The following KLHL5 variants were observed in gnomAD, a reference collection of about 807,000 sequenced individuals.
KLHL5 encodes kelch-like protein 5.
KLHL5 carries 48 observed loss-of-function variants against 77.7 expected under a neutral mutation model. That is an observed-to-expected ratio of 0.62 (90% CI 0.49 to 0.79). The LOEUF is 0.79. KLHL5 is among the 30% of genes least tolerant of loss of function. KLHL5 has a pLI of 0.00. For missense variants in KLHL5, 723 were observed against 859.7 expected (o/e 0.84, Z 1.99); for synonymous variants, 260 against 297.0 (o/e 0.88, Z 1.28).
At chr4:39,120,340 T>G (rs1360141281) in intron 10 of KLHL5, 1 of 152,230 alleles carries the variant, frequency 6.6e-6, no homozygotes, top group Non-Finnish European at 1.5e-5. Context: ...TCCATAAATT[T>G]AGATTGCATT....
intron 7 of KLHL5, 104 bp from the exon 8 acceptor site, chr4:39,107,465 C>G (rs1176693010): frequency 1.7e-6 from 1 of 580,506 alleles, no homozygotes; most frequent in Admixed American, 3.3e-5. Flanking sequence ...TTACTCAGTT[C>G]TATTTGTATG....
the KLHL5 span, among the ~76,000 whole-genome samples, chr4:39,139,436 G>A: frequency 6.6e-6 from 1 of 152,062 alleles, no homozygotes; most frequent in African/African-American, 2.4e-5. Context: ...TCAGGGCAGT[G>A]AAACTATTCT....
upstream of KLHL5, among the ~76,000 whole-genome samples, chr4:39,059,065 G>A (rs73130895): frequency 5.9e-5 from 9 of 152,178 alleles, no homozygotes; most frequent in East Asian, 7.7e-4. Flanking sequence ...CGTATTGATC[G>A]TTTATAAATA....
In KLHL5 at chr4:39,122,104, A is replaced by G. The variant is rs1365369592; in HGVS notation, c.*1038A>G. The G allele has an allele frequency of 2.0e-4, 31 of 152,494 alleles. 1 individual carries two copies. The highest frequency in any genetic ancestry group is 2.0e-3 in the Admixed American group (31 of 15,258). 9.4% of individuals were successfully genotyped at this position (152,494 alleles called of 1,614,324 possible). A position where few individuals can be genotyped will look rare whatever the true frequency, so the allele number is the denominator to read the frequency against. On this transcript the variant is annotated 3_prime_UTR_variant, in exon 11 of 11. Transcript: ENST00000504108. ...TACCCTAAGTTTTTTACATTTTTAA[A>G]CTCTAATTACATATGTGAATGTTAT...
intron 8 of KLHL5, among the ~76,000 whole-genome samples, chr4:39,108,944 A>G (rs2109553493): frequency 6.6e-6 from 1 of 152,260 alleles, no homozygotes; most frequent in African/African-American, 2.4e-5. Flanking sequence ...TAGGCATAGA[A>G]ACATCTTACT....
intron 1 of KLHL5, 130 bp downstream of exon 1, chr4:39,063,165 G>T: frequency 6.5e-6 from 4 of 611,708 alleles, no homozygotes; most frequent in Non-Finnish European, 1.0e-5. Context: ...ATAATATCTT[G>T]GTATGAACAT....
chr4:39,044,887 C>T (rs1716023299), upstream of KLHL5: 8 of 946,594 alleles, frequency 8.5e-6, no homozygotes, highest in South Asian at 1.9e-4. Context: ...GGGACTCTGA[C>T]CCCCCGGCCT....
chr4:39,115,157 A>G lies in KLHL5; in HGVS notation c.1902-2A>G. On this transcript the variant is annotated splice_acceptor_variant, in intron 9 of 10. Transcript: ENST00000504108. LOFTEE classifies it high-confidence loss of function. ...AGCTCCGGTTCTAAAATTTTCTTAC[A>G]GATATGATCCCAAAACAGACATGTG... The G allele has an allele frequency of 6.3e-7, 1 of 1,593,214 alleles. No homozygotes were observed. Among genetic ancestry groups the G allele is most frequent in the Non-Finnish European group, 8.5e-7 (1 of 1,175,202 alleles).
chr4:39,140,121 G>GA, the KLHL5 span, among the ~76,000 whole-genome samples: 2 of 149,382 alleles, frequency 1.3e-5, no homozygotes, highest in Admixed American at 6.6e-5. Context: ...CAGCTACTTG[G>GA]GGGGGGCTGG....
Position 39,121,133 on chromosome 4 carries a change from A to G in KLHL5, c.*67A>G. 2 of 1,186,444 alleles carry G rather than the reference A, an allele frequency of 1.7e-6. No homozygotes were observed. Among genetic ancestry groups the G allele is most frequent in the Non-Finnish European group, 2.5e-6 (2 of 797,088 alleles). The allele number at this position is 1,186,444 out of a possible 1,614,324, so 73.5% of individuals were successfully genotyped here. A position where few individuals can be genotyped will look rare whatever the true frequency, so the allele number is the denominator to read the frequency against. On this transcript the variant is annotated 3_prime_UTR_variant, in exon 11 of 11. Coordinates refer to ENST00000504108, the MANE Select transcript of KLHL5 (RefSeq NM_015990.5). ...ATTAATTTAGTATAATTATTCTATC[A>G]ATGGATACATTTTTAGTAAATGTGC... is the stretch of plus-strand genomic sequence containing the variant.
chr4:39,065,688 CTTT>C (rs1234196221), intron 1 of KLHL5, among the ~76,000 whole-genome samples: 1 of 151,990 alleles, frequency 6.6e-6, no homozygotes, highest in East Asian at 1.9e-4. Flanking sequence ...TGGAACAATT[CTTT>C]TTCTTATATA....
At chr4:39,045,055 C>T in exon 1 of KLHL5, 1 of 993,740 alleles carries the variant, frequency 1.0e-6, no homozygotes, top group Non-Finnish European at 1.2e-6. Flanking sequence ...CCTGGCCGCC[C>T]CGGCCCGCCG....
In KLHL5 at chr4:39,115,179, T is replaced by G. The variant is rs1475082943; in HGVS notation, c.1922T>G (p.Met641Arg). ...CVERYDPKTD[M>R]WTAVASMSIS... The stretch of plus-strand genomic sequence containing the variant: ...TACAGATATGATCCCAAAACAGACA[T>G]GTGGACTGCAGTAGCATCCATGAGC... The change falls in exon 10 of 11, where the codon ATG becomes AGG. Residue 641 changes from methionine to arginine, a missense_variant. Met to Arg is a moderately conservative substitution (Grantham distance 91). This residue lies in a region of KLHL5 where 214 missense variants were observed against 237.4 expected (regional missense o/e 0.90). Transcript: ENST00000504108. 1.2e-6 allele frequency: 2 copies of G among 1,610,712 alleles called. No homozygotes were observed. The highest frequency in any genetic ancestry group is 2.7e-5 in the African/African-American group (2 of 74,958).
rs1723424945 is a variant in KLHL5, at chr4:39,124,801, G to GCAAAAAAAAAAAA, written c.*3736_*3748dup. 5.8e-5 allele frequency among the ~76,000 whole-genome samples: 1 copy of GCAAAAAAAAAAAA among 17,194 alleles called. No individual in the cohort carries two copies. Among genetic ancestry groups the GCAAAAAAAAAAAA allele is most frequent in the Non-Finnish European group, 1.5e-4 (1 of 6,602 alleles). 11.3% of individuals were successfully genotyped at this position (17,194 alleles called of 152,430 possible). On this transcript the variant is annotated 3_prime_UTR_variant, in exon 11 of 11. Transcript: ENST00000504108. ...GGCACCAAAAGCACAAGCAACAACA[G>GCAAAAAAAAAAAA]CAAAAAAAAAAAAAAAAAAAAAAAA... is the stretch of plus-strand genomic sequence containing the variant.
chr4:39,129,164 T>TAA (rs528417870), downstream of KLHL5, among the ~76,000 whole-genome samples: 32 of 136,332 alleles, frequency 2.3e-4, no homozygotes, highest in African/African-American at 8.2e-4. The surrounding 1 kb of genome is among the most constrained non-coding windows in gnomAD (Gnocchi z 4.2). Flanking sequence ...CATATTTTCT[T>TAA]AAAAAAAAAA....
intron 1 of KLHL5, among the ~76,000 whole-genome samples, chr4:39,072,447 G>A (rs370189728): frequency 1.3e-5 from 2 of 152,138 alleles, no homozygotes; most frequent in African/African-American, 4.8e-5. Context: ...TTGAACCGAG[G>A]TCTATAGGAC....
chr4:39,080,523 CAA>C (rs111681718), intron 2 of KLHL5, among the ~76,000 whole-genome samples: 1 of 129,628 alleles, frequency 7.7e-6, no homozygotes, highest in Non-Finnish European at 1.7e-5. Flanking sequence ...GAGACTGTCT[CAA>C]AAAAAAAAAA....
intron 5 of KLHL5, among the ~76,000 whole-genome samples, chr4:39,088,146 G>T (rs1307082509): frequency 6.6e-6 from 1 of 152,114 alleles, no homozygotes; most frequent in Admixed American, 6.5e-5. Flanking sequence ...AATCCGATTC[G>T]ACTTTGAGAA....
At chr4:39,118,737 CAA>C (rs1279647889) in intron 10 of KLHL5, among the ~76,000 whole-genome samples, 1 of 150,890 alleles carries the variant, frequency 6.6e-6, no homozygotes, top group Non-Finnish European at 1.5e-5. Context: ...ACCTGGGTGA[CAA>C]GAGCAAAACT....
Sources: allele counts gnomAD v4.1 joint callset (sites outside exome capture counted in the v4.1 genomes callset), GRCh38; gene constraint gnomAD v4.1.1; regional missense constraint gnomAD v4.1.1; non-coding constraint Gnocchi (gnomAD v3.1); transcripts MANE v1.5; gene names NCBI Gene and HGNC (gene_info 2026-07-23, HGNC 2026-07-21).